The following OR56B2 variants were observed in gnomAD, a reference collection of about 807,000 sequenced individuals.
The protein encoded by OR56B2 is olfactory receptor family 56 subfamily B member 2, also known as olfactory receptor 56B2.
At chr11:5,764,828 C>A in the OR56B2 span, among the ~76,000 whole-genome samples, 3 of 139,218 alleles carry the variant, frequency 2.2e-5, 1 homozygote. Context: ...AGCTCTTAAA[C>A]AAGGTCCTGA....
chr11:5,764,082 A>G, the OR56B2 span, among the ~76,000 whole-genome samples: 2 of 141,036 alleles, frequency 1.4e-5, 1 homozygote. Context: ...TTGCCTTTAT[A>G]TTGTATCCTT....
the OR56B2 span, among the ~76,000 whole-genome samples, chr11:5,761,974 C>G: frequency 6.6e-6 from 1 of 152,118 alleles, no homozygotes; most frequent in South Asian, 2.1e-4. Flanking sequence ...AATATATTTA[C>G]ATGTGTGTCT....
the OR56B2 span, chr11:5,766,223 G>T: frequency 7.1e-6 from 1 of 140,202 alleles, no homozygotes; most frequent in African/African-American, 2.6e-5. Context: ...TGAAATATTT[G>T]GGAGTCAAGC....
At chr11:5,768,407 G>A in the OR56B2 span, among the ~76,000 whole-genome samples, 1 of 139,678 alleles carries the variant, frequency 7.2e-6, no homozygotes, top group Non-Finnish European at 1.6e-5. Context: ...TATTTCATTT[G>A]TTTTCTTGAC....
the OR56B2 span, among the ~76,000 whole-genome samples, chr11:5,761,981 G>A: frequency 3.0e-3 from 460 of 152,186 alleles, no homozygotes; most frequent in African/African-American, 0.01. Context: ...TTACATGTGT[G>A]TCTTTCAATT....
the OR56B2 span, among the ~76,000 whole-genome samples, chr11:5,763,005 A>C: frequency 6.6e-6 from 1 of 152,014 alleles, no homozygotes; most frequent in Non-Finnish European, 1.5e-5. Context: ...ACATTGTTAC[A>C]TTGGTTTTCT....
At chr11:5,764,748 A>T in the OR56B2 span, among the ~76,000 whole-genome samples, 1 of 139,720 alleles carries the variant, frequency 7.2e-6, no homozygotes, top group African/African-American at 2.6e-5. Flanking sequence ...AACAAAGACA[A>T]ACTTAGGAAA....
the OR56B2 span, among the ~76,000 whole-genome samples, chr11:5,762,586 G>A: frequency 0.17 from 25,748 of 151,876 alleles, 2,335 homozygotes; most frequent in East Asian, 0.25. Context: ...TATATAGAAT[G>A]AATAAAACCT....
the OR56B2 span, chr11:5,766,393 C>A: frequency 7.1e-6 from 1 of 140,562 alleles, no homozygotes; most frequent in South Asian, 2.3e-4. Context: ...TTGTGTCAAT[C>A]TATTCCTTTT....
chr11:5,764,121 GAAATA>G, the OR56B2 span, among the ~76,000 whole-genome samples: 2 of 140,708 alleles, frequency 1.4e-5, 1 homozygote, highest in African/African-American at 5.2e-5. Context: ...AAGGAAAGAA[GAAATA>G]AATAGTGCAG....
the OR56B2 span, chr11:5,766,888 C>A: frequency 7.9e-5 from 11 of 138,796 alleles, 1 homozygote; most frequent in African/African-American, 2.9e-4. Flanking sequence ...ATACACCCAA[C>A]ATAATTGAAA....
At chr11:5,764,561 C>A in the OR56B2 span, among the ~76,000 whole-genome samples, 1 of 140,528 alleles carries the variant, frequency 7.1e-6, no homozygotes, top group African/African-American at 2.6e-5. Flanking sequence ...TTAGCTCATA[C>A]ATTTTAATAA....
chr11:5,768,266 C>T, the OR56B2 span, among the ~76,000 whole-genome samples: 1 of 134,614 alleles, frequency 7.4e-6, no homozygotes, highest in Non-Finnish European at 1.6e-5. Flanking sequence ...ATTTCACACT[C>T]TATGCCTATG....
the OR56B2 span, chr11:5,766,077 A>AT: frequency 7.1e-6 from 1 of 140,552 alleles, no homozygotes; most frequent in African/African-American, 2.6e-5. Context: ...AAAGATATTC[A>AT]TTTTTTGAAA....
chr11:5,767,526 C>A, the OR56B2 span: 1 of 139,056 alleles, frequency 7.2e-6, no homozygotes, highest in Non-Finnish European at 1.6e-5. Flanking sequence ...TAATCAGCTT[C>A]ACTATAATAA....
the OR56B2 span, among the ~76,000 whole-genome samples, chr11:5,763,088 A>T: frequency 1.3e-5 from 2 of 152,146 alleles, no homozygotes; most frequent in African/African-American, 4.8e-5. Context: ...GTACAGTTTT[A>T]AAAAATGTAA....
the OR56B2 span, among the ~76,000 whole-genome samples, chr11:5,768,071 G>A: frequency 7.2e-6 from 1 of 138,308 alleles, no homozygotes; most frequent in Non-Finnish European, 1.6e-5. Flanking sequence ...AAAATTAAGG[G>A]GTACAACTGC....
the OR56B2 span, among the ~76,000 whole-genome samples, chr11:5,767,673 T>C: frequency 6.5e-5 from 9 of 139,498 alleles, 1 homozygote; most frequent in South Asian, 2.3e-4. Flanking sequence ...AAATTTTGTA[T>C]AGTAAAGAGG....
At chr11:5,766,364 G>T in the OR56B2 span, 1 of 140,700 alleles carries the variant, frequency 7.1e-6, no homozygotes, top group South Asian at 2.3e-4. Context: ...GTGTTGAATA[G>T]AAGTAGTTAG....
Sources: allele counts gnomAD v4.1 joint callset (sites outside exome capture counted in the v4.1 genomes callset), GRCh38; gene constraint gnomAD v4.1.1; transcripts MANE v1.5; gene names NCBI Gene and HGNC (gene_info 2026-07-23, HGNC 2026-07-21).